TARS3: variants seen among roughly 807,000 people sequenced by gnomAD.
TARS3 encodes the protein threonine--tRNA ligase 2, cytoplasmic.
In TARS3, 94 loss-of-function variants were observed where a neutral mutation model predicts 103.5. That is an observed-to-expected ratio of 0.91 (90% confidence interval 0.77 to 1.08). TARS3 has a LOEUF of 1.08. Ranked by LOEUF, TARS3 falls within the 50% of genes least tolerant of loss-of-function variation. The pLI is 0.00. For synonymous variants in TARS3, 416 were observed against 355.4 expected (o/e 1.17, Z -1.92); for missense variants, 952 against 995.2 (o/e 0.96, Z 0.58).
In TARS3 at chr15:101,684,307, G is replaced by T. The variant is rs531856267; in HGVS notation, c.1488-70C>A. On this transcript the variant is annotated intron_variant, in intron 11 of 18. Transcript: ENST00000335968. The stretch of plus-strand genomic sequence containing the variant: ...TATTAAATAATTATCTAAATATAAA[G>T]AAATTACAATTAAGCCTCAAGATTC... 5.8e-6 allele frequency: 8 copies of T among 1,369,986 alleles called. No homozygotes were observed. In the East Asian group the frequency reaches 1.6e-4, roughly 27 times the overall value. The allele number at this position is 1,369,986 out of a possible 1,614,324, so 84.9% of individuals were successfully genotyped here.
At position 101,721,251 on chromosome 15, in the gene TARS3, G is replaced by C; in HGVS notation, c.441C>G (p.Leu147=). ...LFEILKKDHQ[L]LLAIYGKKGD... The stretch of plus-strand genomic sequence containing the variant: ...CCTTTTTTCCATAAATGGCAAGTAA[G>C]AGCTGATGGTCTTTCTTCAGTATTT... The change falls in exon 3 of 19, where the codon CTC becomes CTG. Residue 147 remains leucine (L), a synonymous_variant. Coordinates refer to ENST00000335968, the MANE Select transcript of TARS3 (RefSeq NM_152334.3). 6.2e-7 allele frequency: 1 copy of C among 1,614,010 alleles called. No individual in the cohort carries two copies. Among genetic ancestry groups the C allele is most frequent in the East Asian group, 2.2e-5 (1 of 44,886 alleles).
At chr15:101,715,262 T>G (rs1251376166) in intron 3 of TARS3, among the ~76,000 whole-genome samples, 2 of 150,108 alleles carry the variant, frequency 1.3e-5, no homozygotes, top group Non-Finnish European at 3.0e-5. Context: ...TTCTCCTGCC[T>G]CAGCCTCCCA....
At chr15:101,662,719 T>C (rs1208561531) in intron 15 of TARS3, among the ~76,000 whole-genome samples, 1 of 152,182 alleles carries the variant, frequency 6.6e-6, no homozygotes, top group African/African-American at 2.4e-5. Context: ...GAAACCAGTA[T>C]GAAATATTCC....
At chr15:101,700,989 A>T in intron 10 of TARS3, 97 bp downstream of exon 10, 3 of 753,968 alleles carry the variant, frequency 4.0e-6, no homozygotes, top group Non-Finnish European at 6.2e-6. Context: ...TACCAAAGTA[A>T]AGTTAATGGA....
intron 3 of TARS3, among the ~76,000 whole-genome samples, chr15:101,715,334 G>C (rs546516202): frequency 6.6e-6 from 1 of 151,808 alleles, no homozygotes; most frequent in African/African-American, 2.4e-5. Flanking sequence ...TTTTAGTAGA[G>C]ACGGGGTTTC....
At chr15:101,687,154 G>A (rs986767943) in intron 10 of TARS3, among the ~76,000 whole-genome samples, 3 of 152,072 alleles carry the variant, frequency 2.0e-5, no homozygotes, top group African/African-American at 7.2e-5. Flanking sequence ...TGTAATCCCA[G>A]CACTTTGGGA....
chr15:101,681,727 C>T lies in TARS3; in HGVS notation c.1650+2348G>A, dbSNP rs141112432. On this transcript the variant is annotated intron_variant, in intron 12 of 18. Transcript: ENST00000335968. Reference sequence around the variant, plus strand: ...GGCATCTCCTTAAAAGGGCACTAATCGTATCATGAGGGTTCCATCTTCATA... The same window carrying T: ...GGCATCTCCTTAAAAGGGCACTAATTGTATCATGAGGGTTCCATCTTCATA... Among the ~76,000 whole-genome samples, 566 of 152,264 alleles carry T rather than the reference C, an allele frequency of 3.7e-3. 5 individuals carry two copies. The highest frequency in any genetic ancestry group is 0.013 in the African/African-American group (527 of 41,540).
chr15:101,673,614 T>C (rs1230813807), intron 13 of TARS3, among the ~76,000 whole-genome samples: 1 of 152,188 alleles, frequency 6.6e-6, no homozygotes, highest in East Asian at 1.9e-4. Flanking sequence ...CTGGAGCAAA[T>C]GGCTCCAGAG....
intron 12 of TARS3, among the ~76,000 whole-genome samples, chr15:101,677,852 G>A (rs1184032191): frequency 4.0e-5 from 6 of 151,774 alleles, no homozygotes; most frequent in Non-Finnish European, 7.4e-5. Context: ...GTCTGGTCTC[G>A]AACTCCCAAC....
At chr15:101,682,796 T>C (rs760075169) in intron 12 of TARS3, among the ~76,000 whole-genome samples, 8 of 152,200 alleles carry the variant, frequency 5.3e-5, no homozygotes, top group Non-Finnish European at 4.4e-5. Context: ...TTTTTAACTA[T>C]CAATTCAATT....
At chr15:101,698,132 C>G (rs990202765) in intron 10 of TARS3, among the ~76,000 whole-genome samples, 2 of 151,978 alleles carry the variant, frequency 1.3e-5, no homozygotes, top group African/African-American at 4.8e-5. Flanking sequence ...GTCAGGAGAT[C>G]TAGACCATCC....
chr15:101,722,216 CCTTTT>C (rs975607851), intron 2 of TARS3, among the ~76,000 whole-genome samples: 14 of 133,182 alleles, frequency 1.1e-4, no homozygotes, highest in African/African-American at 3.1e-4. Flanking sequence ...CTGGCATCTC[CCTTTT>C]TTTTTTTTTT....
chr15:101,666,086 C>T (rs1226020179), intron 15 of TARS3, among the ~76,000 whole-genome samples: 2 of 152,158 alleles, frequency 1.3e-5, no homozygotes, highest in African/African-American at 4.8e-5. Context: ...CAAAATTGTT[C>T]TGTATTTTCC....
chr15:101,684,225 G>C lies in TARS3; in HGVS notation c.1500C>G (p.Ala500=), dbSNP rs1898372625. The C allele has an allele frequency of 6.2e-7, 1 of 1,613,242 alleles. No homozygotes were observed. Among genetic ancestry groups the C allele is most frequent in the Non-Finnish European group, 8.5e-7 (1 of 1,179,504 alleles). The change falls in exon 12 of 19, where the codon GCC becomes GCG. Residue 500 remains alanine, a synonymous_variant. Coordinates refer to ENST00000335968, the MANE Select transcript of TARS3 (RefSeq NM_152334.3). Reference sequence around the variant, plus strand: ...TTTCCCTCCAAGATCGTGGACGATGGGCAAACATTAGACTAGAAAAGATGT... The same window carrying C: ...TTTCCCTCCAAGATCGTGGACGATGCGCAAACATTAGACTAGAAAAGATGT... ...MNCPGHCLMF[A]HRPRSWREMP...
intron 6 of TARS3, among the ~76,000 whole-genome samples, chr15:101,707,291 C>T (rs888077374): frequency 6.6e-6 from 1 of 152,166 alleles, no homozygotes; most frequent in African/African-American, 2.4e-5. Flanking sequence ...TTCTCGAAAA[C>T]TTAAAAACAG....
At position 101,708,744 on chromosome 15, in the gene TARS3, T is replaced by A. The variant is rs147739028; in HGVS notation, c.930+49A>T. On this transcript the variant is annotated intron_variant, in intron 6 of 18. Transcript: ENST00000335968. The stretch of plus-strand genomic sequence containing the variant: ...GGGAAGGTGGGGAAGCTAGTCTATA[T>A]TGATTTTTAATATTCCTAGTAAGAG... The A allele has an allele frequency of 9.7e-3, 12,091 of 1,251,546 alleles. 96 individuals are homozygous for A. Among genetic ancestry groups the A allele is most frequent in the Non-Finnish European group, 0.012 (10,516 of 851,968 alleles). The allele number at this position is 1,251,546 out of a possible 1,614,324, so 77.5% of individuals were successfully genotyped here. A position where few individuals can be genotyped will look rare whatever the true frequency, so the allele number is the denominator to read the frequency against.
intron 15 of TARS3, among the ~76,000 whole-genome samples, chr15:101,668,449 A>C (rs1399146653): frequency 6.6e-6 from 1 of 152,170 alleles, no homozygotes; most frequent in Non-Finnish European, 1.5e-5. Context: ...GTGCCCCCTA[A>C]AATTATAAGA....
chr15:101,721,805 A>C (rs999962522), intron 2 of TARS3, among the ~76,000 whole-genome samples: 1 of 152,158 alleles, frequency 6.6e-6, no homozygotes, highest in African/African-American at 2.4e-5. Context: ...GCAATTTTTC[A>C]ACTTTAGTGA....
intron 3 of TARS3, 80 bp from the exon 4 acceptor site, chr15:101,715,043 GT>G (rs967127220): frequency 0.031 from 32,944 of 1,052,592 alleles, 1 homozygote; most frequent in South Asian, 0.04. Flanking sequence ...AATTTCTAGG[GT>G]TTTTTTTTTT....
Sources: allele counts gnomAD v4.1 joint callset (sites outside exome capture counted in the v4.1 genomes callset), GRCh38; gene constraint gnomAD v4.1.1; transcripts MANE v1.5; gene names NCBI Gene and HGNC (gene_info 2026-07-23, HGNC 2026-07-21).